GRM8: variants seen among roughly 807,000 people sequenced by gnomAD.
The protein encoded by GRM8 is metabotropic glutamate receptor 8.
Under a neutral mutation model 87.2 loss-of-function variants are expected in GRM8, and 47 were observed. That is an observed-to-expected ratio of 0.54 (90% CI 0.43 to 0.69). The LOEUF is 0.69. Among genes scored for constraint, GRM8 ranks in the 30% least tolerant of loss-of-function variants. The probability of loss-of-function intolerance (pLI) is 0.00; values close to 1 mark genes in which losing one functional copy is unlikely to be tolerated. For synonymous variants in GRM8, 396 were observed against 404.5 expected (o/e 0.98, Z 0.25); for missense variants, 1,019 against 1,139.2 (o/e 0.89, Z 1.52).
In GRM8 at chr7:127,239,830, C is replaced by T. The variant is rs17869489; in HGVS notation, c.510+2865G>A. Among the ~76,000 whole-genome samples the T allele has an allele frequency of 2.8e-3, 431 of 152,264 alleles. 3 individuals carry two copies. Among genetic ancestry groups the T allele is most frequent in the African/African-American group, 9.9e-3 (413 of 41,554 alleles). On this transcript the variant is annotated intron_variant, in intron 2 of 10. Coordinates refer to ENST00000339582, the MANE Select transcript of GRM8 (RefSeq NM_000845.3). ...TATCTAATTCACATTCTTATGGTTCCAGAATCACCTGTAAGATGGACTAGG... is the reference window on the plus strand; with the variant it reads ...TATCTAATTCACATTCTTATGGTTCTAGAATCACCTGTAAGATGGACTAGG...
chr7:126,610,841 G>A (rs1030837477), intron 7 of GRM8, among the ~76,000 whole-genome samples: 5 of 152,136 alleles, frequency 3.3e-5, no homozygotes, highest in African/African-American at 1.2e-4. Context: ...TAAGTTCTCT[G>A]ATGAGACTAC....
Position 127,243,014 on chromosome 7 carries a change from CA to C in GRM8, c.190del (p.Cys64ValfsTer4). 6.2e-7 allele frequency: 1 copy of C among 1,614,098 alleles called. No individual in the cohort carries two copies. Reference protein sequence around the residue: ...VHAKGERGVPCGELKKEKGIH... With the variant: ...VHAKGERGVPXGELKKEKGIH... ...CCCCTTTTCCTTCTTCAGCTCCCCA[CA>C]AGGCACCCCTCTCTCTCCCTTTGCG... is the stretch of plus-strand genomic sequence containing the variant. On this transcript the variant is annotated frameshift_variant, in exon 2 of 11. Coordinates refer to ENST00000339582, the MANE Select transcript of GRM8 (RefSeq NM_000845.3). LOFTEE classifies it high-confidence loss of function.
At chr7:126,666,317 T>A (rs1160571986) in intron 7 of GRM8, among the ~76,000 whole-genome samples, 2 of 152,176 alleles carry the variant, frequency 1.3e-5, no homozygotes, top group Non-Finnish European at 2.9e-5. Context: ...GATATTGAGA[T>A]GACAGAGTCA....
chr7:126,737,804 T>C (rs1350654432), intron 7 of GRM8, among the ~76,000 whole-genome samples: 1 of 152,032 alleles, frequency 6.6e-6, no homozygotes, highest in African/African-American at 2.4e-5. Context: ...CTCAAAAAGC[T>C]GTAGTCTAGG....
chr7:126,560,432 G>C (rs535012206), intron 8 of GRM8, among the ~76,000 whole-genome samples: 1 of 152,162 alleles, frequency 6.6e-6, no homozygotes, highest in Admixed American at 6.5e-5. Flanking sequence ...TCAAGCAGCA[G>C]GGGGGAATGC....
At chr7:126,775,888 T>G (rs1819419521) in intron 6 of GRM8, among the ~76,000 whole-genome samples, 1 of 152,100 alleles carries the variant, frequency 6.6e-6, no homozygotes, top group Admixed American at 6.6e-5. Context: ...CTTCATCTGC[T>G]GCACCACACA....
At chr7:127,128,720 T>G (rs933097362) in intron 2 of GRM8, among the ~76,000 whole-genome samples, 2 of 152,178 alleles carry the variant, frequency 1.3e-5, no homozygotes, top group Non-Finnish European at 2.9e-5. Context: ...CGGTAAGGTT[T>G]AAGCCAGAAT....
intron 3 of GRM8, among the ~76,000 whole-genome samples, chr7:126,946,573 A>G (rs1243887163): frequency 2.6e-5 from 4 of 152,198 alleles, no homozygotes. Context: ...CCAGCTGGAT[A>G]GTGATAAACC....
intron 7 of GRM8, among the ~76,000 whole-genome samples, chr7:126,732,999 T>C (rs1333681355): frequency 6.6e-6 from 1 of 151,968 alleles, no homozygotes; most frequent in East Asian, 1.9e-4. Flanking sequence ...ATTAGGAAAA[T>C]TGTCTGCAAT....
intron 3 of GRM8, among the ~76,000 whole-genome samples, chr7:126,907,993 C>A (rs185350901): frequency 6.2e-4 from 94 of 152,150 alleles, no homozygotes; most frequent in Non-Finnish European, 1.1e-3. Flanking sequence ...GTCTTTGTGA[C>A]CAGTTATGTG....
chr7:126,883,928 T>G (rs1020675979), intron 6 of GRM8, among the ~76,000 whole-genome samples: 1 of 152,142 alleles, frequency 6.6e-6, no homozygotes, highest in Non-Finnish European at 1.5e-5. Context: ...AAATATCAGA[T>G]GTATAAAATA....
chr7:126,485,846 G>A (rs1030927517), intron 9 of GRM8, among the ~76,000 whole-genome samples: 1 of 151,802 alleles, frequency 6.6e-6, no homozygotes, highest in African/African-American at 2.4e-5. Flanking sequence ...CCTCCTTTTT[G>A]CAGTTTAAAC....
chr7:126,440,410 CAAA>C lies in GRM8; in HGVS notation c.2678-1245_2678-1243del, dbSNP rs35828454. ...TAGGCAACAGAGCAAGACTCCATCT[CAAA>C]AAAAAAAAAAAAAAAAAAAAATTTA... On this transcript the variant is annotated intron_variant, in intron 10 of 10. Coordinates refer to ENST00000339582, the MANE Select transcript of GRM8 (RefSeq NM_000845.3). 3.6e-3 allele frequency among the ~76,000 whole-genome samples: 271 copies of C among 75,404 alleles called. 2 individuals carry two copies. The highest frequency in any genetic ancestry group is 0.014 in the African/African-American group (259 of 17,918). The allele number at this position is 75,404 out of a possible 152,430, so 49.5% of individuals were successfully genotyped here.
intron 3 of GRM8, among the ~76,000 whole-genome samples, chr7:127,045,024 A>G (rs1044903209): frequency 3.9e-5 from 6 of 152,142 alleles, no homozygotes; most frequent in African/African-American, 1.4e-4. Flanking sequence ...AACAGCCACT[A>G]TGTCATGAAT....
chr7:126,906,888 G>A (rs1405963527), intron 3 of GRM8, among the ~76,000 whole-genome samples: 6 of 152,104 alleles, frequency 3.9e-5, no homozygotes, highest in Non-Finnish European at 5.9e-5. Context: ...ACTACCACTA[G>A]TTGTGATAAT....
intron 6 of GRM8, among the ~76,000 whole-genome samples, chr7:126,878,384 G>A (rs1245502882): frequency 6.6e-6 from 1 of 152,170 alleles, no homozygotes; most frequent in Non-Finnish European, 1.5e-5. Flanking sequence ...AACAGGCATA[G>A]ACAGGACTTC....
intron 3 of GRM8, among the ~76,000 whole-genome samples, chr7:126,920,078 C>T (rs560794737): frequency 6.6e-6 from 1 of 152,164 alleles, no homozygotes; most frequent in African/African-American, 2.4e-5. Flanking sequence ...GAGTAAGACT[C>T]CCACATGGGA....
intron 7 of GRM8, among the ~76,000 whole-genome samples, chr7:126,764,532 T>G (rs894613386): frequency 6.6e-6 from 1 of 152,082 alleles, no homozygotes; most frequent in Non-Finnish European, 1.5e-5. Flanking sequence ...CAGACTATAG[T>G]GTTCAGAGAC....
intron 7 of GRM8, among the ~76,000 whole-genome samples, chr7:126,708,340 A>C (rs1810757507): frequency 6.6e-6 from 1 of 152,070 alleles, no homozygotes; most frequent in Admixed American, 6.6e-5. Context: ...AAAATTAAAA[A>C]TAGAACTACC....
Sources: gnomAD v4.1 joint callset for allele counts (sites outside exome capture counted in the v4.1 genomes callset) on GRCh38, gnomAD v4.1.1 for gene constraint, MANE v1.5 for transcripts, NCBI Gene and HGNC (gene_info 2026-07-23, HGNC 2026-07-21) for gene names.